The following IQGAP1 variants were observed in gnomAD, a reference collection of about 807,000 sequenced individuals.
IQGAP1 encodes the protein ras GTPase-activating-like protein IQGAP1.
IQGAP1 carries 66 observed loss-of-function variants against 215.6 expected under a neutral mutation model. That is an observed-to-expected ratio of 0.31 (90% confidence interval 0.25 to 0.38). The LOEUF is 0.38. Among genes scored for constraint, IQGAP1 ranks in the 10% least tolerant of loss-of-function variants. The pLI is 1.00. For synonymous variants in IQGAP1, 772 were observed against 728.7 expected (o/e 1.06, Z -0.96); for missense variants, 1,712 against 1,997.1 (o/e 0.86, Z 2.72).
intron 4 of IQGAP1, among the ~76,000 whole-genome samples, chr15:90,431,739 T>C (rs527654150): frequency 1.3e-5 from 2 of 152,298 alleles, no homozygotes; most frequent in South Asian, 4.1e-4. Flanking sequence ...AACCTAAAAA[T>C]GTATTGTTGT....
At chr15:90,484,492 C>A in intron 30 of IQGAP1, 140 bp downstream of exon 30, 1 of 631,674 alleles carries the variant, frequency 1.6e-6, no homozygotes, top group Non-Finnish European at 2.7e-6. Flanking sequence ...TCTTTTTTTG[C>A]TTGTTATTCT....
At chr15:90,466,800 T>G (rs867800835) in intron 17 of IQGAP1, among the ~76,000 whole-genome samples, 1 of 152,212 alleles carries the variant, frequency 6.6e-6, no homozygotes, top group South Asian at 2.1e-4. Flanking sequence ...TTTTAAAAAT[T>G]AAAAAACTGG....
At chr15:90,407,771 A>C (rs1964900186) in intron 2 of IQGAP1, among the ~76,000 whole-genome samples, 1 of 152,236 alleles carries the variant, frequency 6.6e-6, no homozygotes, top group African/African-American at 2.4e-5. Flanking sequence ...TAAAATAATT[A>C]CTTTAAAGCA....
intron 37 of IQGAP1, among the ~76,000 whole-genome samples, 188 bp downstream of exon 37, chr15:90,497,528 T>C (rs2151041675): frequency 6.6e-6 from 1 of 152,296 alleles, no homozygotes; most frequent in Non-Finnish European, 1.5e-5. Context: ...TCTGGAGAGC[T>C]TTTGCAGATG....
In IQGAP1 at chr15:90,476,982, G is replaced by A. The variant is rs1410195295; in HGVS notation, c.2941-85G>A. 3.6e-6 allele frequency: 5 copies of A among 1,396,944 alleles called. No homozygotes were observed. In the Admixed American group the frequency reaches 5.7e-5, roughly 16 times the overall value. The allele number at this position is 1,396,944 out of a possible 1,614,324, so 86.5% of individuals were successfully genotyped here. A position where few individuals can be genotyped will look rare whatever the true frequency, so the allele number is the denominator to read the frequency against. On this transcript the variant is annotated intron_variant, in intron 24 of 37. Transcript: ENST00000268182. ...ATTAATCTTTTTTCTCATATGTATT[G>A]TAGTCCTTCAATTTTAAATAATTGA...
intron 33 of IQGAP1, among the ~76,000 whole-genome samples, chr15:90,488,335 C>T (rs1327207870): frequency 6.6e-6 from 1 of 151,924 alleles, no homozygotes; most frequent in Non-Finnish European, 1.5e-5. Flanking sequence ...CTTATAATAC[C>T]TACTACAATA....
intron 11 of IQGAP1, among the ~76,000 whole-genome samples, chr15:90,450,066 G>T (rs1965580246): frequency 6.6e-6 from 1 of 152,066 alleles, no homozygotes; most frequent in African/African-American, 2.4e-5. Context: ...TCATCCTACT[G>T]TGCTATCTAA....
intron 2 of IQGAP1, among the ~76,000 whole-genome samples, chr15:90,398,738 C>T (rs1054390379): frequency 8.5e-5 from 13 of 152,088 alleles, no homozygotes. Context: ...CGCGGTGGCT[C>T]ACACCTGTAA....
intron 33 of IQGAP1, among the ~76,000 whole-genome samples, chr15:90,488,708 C>A (rs143788103): frequency 1.3e-5 from 2 of 151,902 alleles, no homozygotes; most frequent in East Asian, 1.9e-4. Flanking sequence ...GAAGTGGAAC[C>A]GGAGCCAGAT....
chr15:90,428,898 C>T (rs1965264107), intron 3 of IQGAP1, among the ~76,000 whole-genome samples: 1 of 152,160 alleles, frequency 6.6e-6, no homozygotes, highest in Non-Finnish European at 1.5e-5. Flanking sequence ...GTCGCCTAGG[C>T]TGGAGTGCAG....
intron 24 of IQGAP1, 61 bp downstream of exon 24, chr15:90,476,879 GCCTTA>G (rs1965987643): frequency 2.6e-6 from 4 of 1,539,642 alleles, no homozygotes; most frequent in Non-Finnish European, 3.5e-6. Flanking sequence ...CCACAAGAAA[GCCTTA>G]CCATCGATCT....
intron 5 of IQGAP1, among the ~76,000 whole-genome samples, chr15:90,436,233 T>C (rs1225883173): frequency 6.6e-6 from 1 of 152,200 alleles, no homozygotes; most frequent in Non-Finnish European, 1.5e-5. Context: ...CTCATTTGTC[T>C]CCTTAGTATG....
intron 9 of IQGAP1, 76 bp downstream of exon 9, chr15:90,443,554 C>A (rs1965482440): frequency 2.4e-6 from 2 of 829,002 alleles, no homozygotes; most frequent in South Asian, 1.7e-5. Flanking sequence ...CTGGGACTTA[C>A]AACATAGTTT....
In IQGAP1 at chr15:90,421,861, C is replaced by T. The variant is rs1965141902; in HGVS notation, c.156-4249C>T. On this transcript the variant is annotated intron_variant, in intron 2 of 37. Coordinates refer to ENST00000268182, the MANE Select transcript of IQGAP1 (RefSeq NM_003870.4). ...TTTTTTGTAGAGACGGGGTCTCACC[C>T]TGTTGGCCAGGTTTTTCTCCAATTC... 3.9e-5 allele frequency among the ~76,000 whole-genome samples: 6 copies of T among 152,126 alleles called. No individual in the cohort carries two copies. In the South Asian group the frequency reaches 1.2e-3, roughly 32 times the overall value.
intron 2 of IQGAP1, among the ~76,000 whole-genome samples, chr15:90,423,990 G>T (rs1446939951): frequency 3.3e-5 from 5 of 151,726 alleles, no homozygotes; most frequent in African/African-American, 1.2e-4. Flanking sequence ...AGTTTTCCCT[G>T]TGTGTTTACT....
chr15:90,418,150 T>C (rs1965079693), intron 2 of IQGAP1, among the ~76,000 whole-genome samples: 1 of 152,142 alleles, frequency 6.6e-6, no homozygotes, highest in South Asian at 2.1e-4. Context: ...CACTGATAAG[T>C]GTTCCACACA....
intron 2 of IQGAP1, among the ~76,000 whole-genome samples, chr15:90,421,542 TTGA>T (rs1383386090): frequency 6.6e-6 from 1 of 151,930 alleles, no homozygotes; most frequent in East Asian, 1.9e-4. Context: ...GGAGTCTCTG[TTGA>T]TTGAAAAAGT....
At chr15:90,467,909 C>T (rs1201378165) in intron 18 of IQGAP1, among the ~76,000 whole-genome samples, 1 of 152,214 alleles carries the variant, frequency 6.6e-6, no homozygotes, top group East Asian at 1.9e-4. Flanking sequence ...TATTTTCAGT[C>T]TCTCTTCTAA....
chr15:90,398,237 G>A (rs929615406), intron 2 of IQGAP1, among the ~76,000 whole-genome samples: 1 of 152,078 alleles, frequency 6.6e-6, no homozygotes, highest in South Asian at 2.1e-4. Context: ...TTAATGTGAA[G>A]ATGACAGGAA....
Sources: gnomAD v4.1 joint callset for allele counts (sites outside exome capture counted in the v4.1 genomes callset) on GRCh38, gnomAD v4.1.1 for gene constraint, MANE v1.5 for transcripts, NCBI Gene and HGNC (gene_info 2026-07-23, HGNC 2026-07-21) for gene names.